The following BCL2L13 variants were observed in gnomAD, a reference collection of about 807,000 sequenced individuals.
The protein encoded by BCL2L13 is BCL2 like 13, also known as bcl-2-like protein 13.
Under a neutral mutation model 25.8 loss-of-function variants are expected in BCL2L13, and 13 were observed. The observed-to-expected ratio is 0.50, with a 90% CI of 0.33 to 0.80. The LOEUF (loss-of-function observed/expected upper bound fraction) is 0.80, where lower values mean the gene tolerates loss of function less well. Among genes scored for constraint, BCL2L13 ranks in the 30% least tolerant of loss-of-function variants. BCL2L13 has a pLI of 0.02. For synonymous variants in BCL2L13, 244 were observed against 230.3 expected, an observed-to-expected ratio of 1.06 and a Z score of -0.54; for missense variants, 504 against 574.9, an observed-to-expected ratio of 0.88 and a Z score of 1.26.
chr22:17,717,211 T>C (rs1476389882), intron 6 of BCL2L13, among the ~76,000 whole-genome samples: 1 of 152,098 alleles, frequency 6.6e-6, no homozygotes, highest in Non-Finnish European at 1.5e-5. Flanking sequence ...CTCACACCTA[T>C]AATCCCAGCT....
Position 17,686,056 on chromosome 22 carries a change from G to A in BCL2L13, c.229+2735G>A, listed in dbSNP as rs886808977. Among the ~76,000 whole-genome samples, 3 of 151,824 alleles carry A rather than the reference G, an allele frequency of 2.0e-5. No homozygotes were observed. The East Asian group carries it at 5.8e-4, about 29-fold the overall frequency. On this transcript the variant is annotated intron_variant, in intron 3 of 6. Transcript: ENST00000317582. ...CAAAGTGCTGGGATTACAGGCGTGAGCCACCGTACCCAGCCTGCCCAATAA... is the reference window on the plus strand; with the variant it reads ...CAAAGTGCTGGGATTACAGGCGTGAACCACCGTACCCAGCCTGCCCAATAA...
At chr22:17,654,861 A>G (rs2587067) in intron 1 of BCL2L13, among the ~76,000 whole-genome samples, 141 of 151,880 alleles carry the variant, frequency 9.3e-4, no homozygotes, top group Non-Finnish European at 1.5e-3. Context: ...AACTGGGACC[A>G]TAGGCAGGCC....
intron 2 of BCL2L13, among the ~76,000 whole-genome samples, chr22:17,672,504 T>G (rs2059446632): frequency 6.6e-6 from 1 of 152,194 alleles, no homozygotes; most frequent in African/African-American, 2.4e-5. Flanking sequence ...CTTTGAAATA[T>G]TTGTATCTTG....
intron 6 of BCL2L13, among the ~76,000 whole-genome samples, chr22:17,717,557 T>C (rs1174784685): frequency 6.6e-6 from 1 of 152,114 alleles, no homozygotes; most frequent in Non-Finnish European, 1.5e-5. Flanking sequence ...CCAAAAGTGC[T>C]GGGATTTAAG....
At chr22:17,661,983 C>A in intron 2 of BCL2L13, among the ~76,000 whole-genome samples, 1 of 147,286 alleles carries the variant, frequency 6.8e-6, no homozygotes. Context: ...GAGAGTGAAA[C>A]TCCATCTCAA....
At chr22:17,701,082 T>G (rs2060419387) in intron 5 of BCL2L13, among the ~76,000 whole-genome samples, 2 of 152,152 alleles carry the variant, frequency 1.3e-5, no homozygotes, top group Admixed American at 1.3e-4. Flanking sequence ...AATACTTAGT[T>G]TTTTTCAATA....
Position 17,727,762 on chromosome 22 carries a change from T to G in BCL2L13, c.*228T>G. The G allele has an allele frequency of 1.6e-6, 1 of 608,916 alleles. No homozygotes were observed. Among genetic ancestry groups the G allele is most frequent in the African/African-American group, 1.8e-5 (1 of 54,182 alleles). 37.7% of individuals were successfully genotyped at this position (608,916 alleles called of 1,614,324 possible). On this transcript the variant is annotated 3_prime_UTR_variant, in exon 7 of 7. Coordinates refer to ENST00000317582, the MANE Select transcript of BCL2L13 (RefSeq NM_015367.4). ...TCCGCTCATGCTAAATTGAGAATCT[T>G]AGGGGTAAAGCACCCCCTCCAGGAC...
At chr22:17,685,760 C>CTTTTTTT (rs1166792513) in intron 3 of BCL2L13, among the ~76,000 whole-genome samples, 2,501 of 60,586 alleles carry the variant, frequency 0.041, 769 homozygotes, top group East Asian at 0.076. Context: ...TTTTCTTTTT[C>CTTTTTTT]TTTTTTTTTT....
chr22:17,637,484 C>T (rs1333762001), upstream of BCL2L13, among the ~76,000 whole-genome samples: 1 of 151,394 alleles, frequency 6.6e-6, no homozygotes, highest in South Asian at 2.1e-4. Flanking sequence ...AAGCGATTCT[C>T]CTGCATCGGC....
intron 5 of BCL2L13, among the ~76,000 whole-genome samples, chr22:17,698,506 C>T (rs118019551): frequency 0.02 from 2,842 of 144,234 alleles, 30 homozygotes; most frequent in Middle Eastern, 0.068. Flanking sequence ...GGATCACTTA[C>T]GCCCAGGAGT....
intron 1 of BCL2L13, among the ~76,000 whole-genome samples, chr22:17,652,209 T>A (rs1048336155): frequency 3.9e-5 from 6 of 151,988 alleles, no homozygotes; most frequent in Admixed American, 6.6e-5. Context: ...AAATTTTTTT[T>A]AAATTTTTTG....
chr22:17,704,069 G>C (rs2060519498), intron 6 of BCL2L13, among the ~76,000 whole-genome samples: 1 of 152,156 alleles, frequency 6.6e-6, no homozygotes, highest in Non-Finnish European at 1.5e-5. Context: ...AAGATCTACT[G>C]CATGGATAAC....
At chr22:17,720,213 G>GGCT (rs976331458) in intron 6 of BCL2L13, among the ~76,000 whole-genome samples, 1 of 109,850 alleles carries the variant, frequency 9.1e-6, no homozygotes, top group African/African-American at 4.1e-5. Context: ...CTGTCATTCA[G>GGCT]GCTGCAGTGC....
At chr22:17,641,969 T>C (rs1296119312) in intron 1 of BCL2L13, among the ~76,000 whole-genome samples, 1 of 151,428 alleles carries the variant, frequency 6.6e-6, no homozygotes, top group African/African-American at 2.4e-5. Context: ...CCGGCTGATT[T>C]TTTGTATTTT....
rs1445135081 is a variant in BCL2L13 at position 17,673,398 on chromosome 22, G to A, written c.122-9816G>A. ...TTTTTTTGAGACAGAGCCTCACTCC[G>A]TCACTGTCACCCAGGCTGGAGTGCA... On this transcript the variant is annotated intron_variant, in intron 2 of 6. Transcript: ENST00000317582. Among the ~76,000 whole-genome samples, 7 of 135,082 alleles carry A rather than the reference G, an allele frequency of 5.2e-5. No homozygotes were observed. In the South Asian group the frequency reaches 6.9e-4, roughly 13 times the overall value. 88.6% of individuals were successfully genotyped at this position (135,082 alleles called of 152,430 possible). A position where few individuals can be genotyped will look rare whatever the true frequency, so the allele number is the denominator to read the frequency against.
chr22:17,638,013 C>A (rs2058142460), upstream of BCL2L13: 1 of 152,202 alleles, frequency 6.6e-6, no homozygotes, highest in East Asian at 1.9e-4. Flanking sequence ...CTTCTAACTC[C>A]TTATTGTCAA....
chr22:17,666,105 A>T (rs1205692908), intron 2 of BCL2L13, among the ~76,000 whole-genome samples: 1 of 152,174 alleles, frequency 6.6e-6, no homozygotes, highest in Non-Finnish European at 1.5e-5. Flanking sequence ...GAGTTTCTCC[A>T]TCTCTTTGCC....
chr22:17,641,424 C>T (rs1198242203), intron 1 of BCL2L13, among the ~76,000 whole-genome samples: 1 of 151,940 alleles, frequency 6.6e-6, no homozygotes, highest in Non-Finnish European at 1.5e-5. Flanking sequence ...GGTAATGTGC[C>T]AATAAGCCCA....
At chr22:17,709,101 TG>T (rs985670643) in intron 6 of BCL2L13, among the ~76,000 whole-genome samples, 1 of 151,978 alleles carries the variant, frequency 6.6e-6, no homozygotes, top group African/African-American at 2.4e-5. Flanking sequence ...CTGGGCGTGG[TG>T]GCAGGCACCT....
Sources: gnomAD v4.1 joint callset for allele counts (sites outside exome capture counted in the v4.1 genomes callset) on GRCh38, gnomAD v4.1.1 for gene constraint, MANE v1.5 for transcripts, NCBI Gene and HGNC (gene_info 2026-07-23, HGNC 2026-07-21) for gene names.